GPR158: variants seen among roughly 807,000 people sequenced by gnomAD.
GPR158 encodes the protein metabotropic glycine receptor.
In GPR158, 30 loss-of-function variants were observed where a neutral mutation model predicts 78.2. The ratio of observed to expected loss-of-function variants is 0.38; its 90% CI spans 0.29 to 0.52. The LOEUF (loss-of-function observed/expected upper bound fraction) is 0.52. Among genes scored for constraint, GPR158 ranks in the 20% least tolerant of loss-of-function variants. The pLI, the probability that GPR158 is intolerant of heterozygous loss-of-function variation, is 0.83. For missense variants in GPR158, 1,463 were observed against 1,523.5 expected (o/e 0.96, Z 0.66); for synonymous variants, 581 against 591.1 (o/e 0.98, Z 0.25).
intron 5 of GPR158, among the ~76,000 whole-genome samples, chr10:25,487,665 G>T (rs1835752622): frequency 6.6e-6 from 1 of 152,132 alleles, no homozygotes; most frequent in South Asian, 2.1e-4. Flanking sequence ...AGTATCCTGG[G>T]AGAGTAAATG....
chr10:25,549,057 G>C (rs1238471519), intron 5 of GPR158, among the ~76,000 whole-genome samples: 1 of 152,130 alleles, frequency 6.6e-6, no homozygotes, highest in African/African-American at 2.4e-5. Context: ...ATAATGAAAA[G>C]CTTTACTGAT....
chr10:25,491,470 C>T (rs1433320929), intron 5 of GPR158, among the ~76,000 whole-genome samples: 1 of 152,142 alleles, frequency 6.6e-6, no homozygotes, highest in Non-Finnish European at 1.5e-5. Flanking sequence ...TTGTTTAAGT[C>T]ACTAGGATTT....
At chr10:25,387,601 C>G (rs544646456) in intron 2 of GPR158, among the ~76,000 whole-genome samples, 2 of 151,438 alleles carry the variant, frequency 1.3e-5, no homozygotes. Context: ...CTGCAACCTC[C>G]GCCTCCTGGG....
At chr10:25,586,533 G>C (rs1186136397) in intron 7 of GPR158, among the ~76,000 whole-genome samples, 1 of 151,390 alleles carries the variant, frequency 6.6e-6, no homozygotes, top group Non-Finnish European at 1.5e-5. Context: ...CTCCTGAGTA[G>C]CTGGGACCAC....
At chr10:25,234,760 A>G (rs1271155346) in intron 2 of GPR158, among the ~76,000 whole-genome samples, 1 of 152,200 alleles carries the variant, frequency 6.6e-6, no homozygotes, top group Non-Finnish European at 1.5e-5. Flanking sequence ...TAATACCTCA[A>G]AAGTTTTTTT....
intron 2 of GPR158, among the ~76,000 whole-genome samples, chr10:25,290,315 C>T (rs12259246): frequency 0.011 from 1,738 of 152,030 alleles, 25 homozygotes; most frequent in African/African-American, 0.04. Context: ...TGTATAATGC[C>T]GTTTGTAATA....
At chr10:25,287,779 T>TA (rs1030305510) in intron 2 of GPR158, among the ~76,000 whole-genome samples, 2 of 152,110 alleles carry the variant, frequency 1.3e-5, no homozygotes, top group Non-Finnish European at 2.9e-5. Flanking sequence ...CAAGAAAAGT[T>TA]AAAGGTTTTC....
At chr10:25,283,566 C>A (rs1174398400) in intron 2 of GPR158, among the ~76,000 whole-genome samples, 1 of 151,782 alleles carries the variant, frequency 6.6e-6, no homozygotes, top group African/African-American at 2.4e-5. Flanking sequence ...TAAAATAACT[C>A]GCTTTTGGTT....
At chr10:25,306,955 T>G (rs931181245) in intron 2 of GPR158, among the ~76,000 whole-genome samples, 1 of 151,814 alleles carries the variant, frequency 6.6e-6, no homozygotes, top group African/African-American at 2.4e-5. Context: ...CAACAATTAT[T>G]TTTTAGGGAA....
At chr10:25,501,891 C>T (rs1835949197) in intron 5 of GPR158, among the ~76,000 whole-genome samples, 1 of 152,146 alleles carries the variant, frequency 6.6e-6, no homozygotes, top group African/African-American at 2.4e-5. Flanking sequence ...ACCAGTCCCT[C>T]GTCTCCCTTT....
At position 25,268,202 on chromosome 10, in the gene GPR158, T is replaced by A. The variant is rs77223714; in HGVS notation, c.1008+47045T>A. On this transcript the variant is annotated intron_variant, in intron 2 of 10. Coordinates refer to ENST00000376351, the MANE Select transcript of GPR158 (RefSeq NM_020752.3). ...TACTCAATAAAGTGAGCTTAAAGAA[T>A]ACTCGTTATCCTATTGATAGGATGA... Among the ~76,000 whole-genome samples the A allele has an allele frequency of 3.2e-4, 49 of 152,282 alleles. No homozygotes were observed. The East Asian group carries it at 7.9e-3, about 25-fold the overall frequency.
In GPR158 at chr10:25,595,318, A is replaced by G. The variant is rs149223145; in HGVS notation, c.1998+921A>G. Among the ~76,000 whole-genome samples, 134 of 152,342 alleles carry G rather than the reference A, an allele frequency of 8.8e-4. 1 individual carries two copies. Among genetic ancestry groups the G allele is most frequent in the Non-Finnish European group, 1.0e-3 (70 of 68,032 alleles). On this transcript the variant is annotated intron_variant, in intron 9 of 10. Transcript: ENST00000376351. ...TGAATTACATCAACTAGACACAAGTATTTGTATAGATTATCTTAACTATTT... is the reference window on the plus strand; with the variant it reads ...TGAATTACATCAACTAGACACAAGTGTTTGTATAGATTATCTTAACTATTT...
intron 4 of GPR158, among the ~76,000 whole-genome samples, chr10:25,434,167 A>G (rs1303310015): frequency 3.3e-5 from 5 of 149,758 alleles, no homozygotes; most frequent in East Asian, 1.9e-4. Context: ...TCTCAAAAAA[A>G]CAAACAAACA....
chr10:25,448,230 G>A (rs1170409381), intron 4 of GPR158, among the ~76,000 whole-genome samples: 1 of 151,622 alleles, frequency 6.6e-6, no homozygotes, highest in Non-Finnish European at 1.5e-5. Context: ...GACTACAGGT[G>A]CCCGCCACCA....
chr10:25,600,754 G>A lies in GPR158; in HGVS notation c.*1480G>A, dbSNP rs1184242427. 1 of 152,424 alleles carries A rather than the reference G, an allele frequency of 6.6e-6. No individual in the cohort carries two copies. Among genetic ancestry groups the A allele is most frequent in the Non-Finnish European group, 1.5e-5 (1 of 68,026 alleles). The allele number at this position is 152,424 out of a possible 1,614,324, so 9.4% of individuals were successfully genotyped here. A position where few individuals can be genotyped will look rare whatever the true frequency, so the allele number is the denominator to read the frequency against. On this transcript the variant is annotated 3_prime_UTR_variant, in exon 11 of 11. Coordinates refer to ENST00000376351, the MANE Select transcript of GPR158 (RefSeq NM_020752.3). ...TGCAAATTGCCATTGTGAGCCACTT[G>A]CTCGACATGTAACATGTAAGGTCCA... is the stretch of plus-strand genomic sequence containing the variant.
intron 2 of GPR158, among the ~76,000 whole-genome samples, chr10:25,331,561 A>G (rs1855122832): frequency 6.6e-6 from 1 of 152,200 alleles, no homozygotes; most frequent in Non-Finnish European, 1.5e-5. Context: ...TGACTTAAAC[A>G]TTACTCCAGG....
chr10:25,302,238 A>AT (rs58156960), intron 2 of GPR158, among the ~76,000 whole-genome samples: 5,013 of 133,862 alleles, frequency 0.037, 126 homozygotes, highest in Non-Finnish European at 0.054. Context: ...TGCCTGGCTA[A>AT]TTTTTTTTTT....
chr10:25,329,376 C>T (rs1855086151), intron 2 of GPR158, among the ~76,000 whole-genome samples: 1 of 151,152 alleles, frequency 6.6e-6, no homozygotes, highest in Admixed American at 6.6e-5. Context: ...GGGGGCGGAG[C>T]TTGCAGTGAG....
intron 5 of GPR158, among the ~76,000 whole-genome samples, chr10:25,531,279 C>T (rs551234114): frequency 2.0e-5 from 3 of 152,242 alleles, no homozygotes; most frequent in East Asian, 3.9e-4. Context: ...AGTTACTTAT[C>T]GTCCTAAGTA....
Sources: allele counts gnomAD v4.1 joint callset (sites outside exome capture counted in the v4.1 genomes callset), GRCh38; gene constraint gnomAD v4.1.1; transcripts MANE v1.5; gene names NCBI Gene and HGNC (gene_info 2026-07-23, HGNC 2026-07-21).